Variants in PKIB observed in about 807,000 individuals in gnomAD.
PKIB encodes cAMP-dependent protein kinase inhibitor beta, also known as PKI-beta.
Under a neutral mutation model 4.5 loss-of-function variants are expected in PKIB, and 2 were observed. The ratio of observed to expected loss-of-function variants is 0.44; its 90% CI spans 0.18 to 1.39. The LOEUF (loss-of-function observed/expected upper bound fraction) is 1.39, where lower values mean the gene tolerates loss of function less well. Among genes scored for constraint, PKIB ranks in the 40% most tolerant of loss-of-function variants. PKIB has a pLI of 0.27. For missense variants in PKIB, 94 were observed against 92.6 expected, an observed-to-expected ratio of 1.02 and a Z score of -0.06; for synonymous variants, 38 against 36.0, an observed-to-expected ratio of 1.06 and a Z score of -0.20.
At chr6:122,623,703 C>G (rs1775325433) in intron 1 of PKIB, among the ~76,000 whole-genome samples, 1 of 152,118 alleles carries the variant, frequency 6.6e-6, no homozygotes, top group South Asian at 2.1e-4. Context: ...TGCACCCAGA[C>G]ACTTTACACG....
At chr6:122,492,774 A>AG (rs1346872064) in intron 2 of PKIB, among the ~76,000 whole-genome samples, 2 of 62,338 alleles carry the variant, frequency 3.2e-5, no homozygotes, top group East Asian at 1.0e-3. Flanking sequence ...TAAGAGAAAG[A>AG]GTTTTTTTTT....
At chr6:122,572,004 A>C (rs550842999) in intron 2 of PKIB, among the ~76,000 whole-genome samples, 1 of 152,264 alleles carries the variant, frequency 6.6e-6, no homozygotes, top group Non-Finnish European at 1.5e-5. Context: ...CCCATCTAAC[A>C]CAAAAGGACT....
chr6:122,719,230 G>A (rs1779624106), intron 4 of PKIB, among the ~76,000 whole-genome samples: 1 of 152,046 alleles, frequency 6.6e-6, no homozygotes, highest in African/African-American at 2.4e-5. Flanking sequence ...AAGCAAAAGA[G>A]AGCAAATACA....
intron 1 of PKIB, chr6:122,472,133 C>A: frequency 5.4e-6 from 1 of 184,754 alleles, no homozygotes; most frequent in South Asian, 1.2e-4. Context: ...TTTTGCCCTC[C>A]TTCATCTGAG....
chr6:122,482,455 ATACAT>A (rs1206947500), intron 2 of PKIB: 1 of 152,088 alleles, frequency 6.6e-6, no homozygotes, highest in Non-Finnish European at 1.5e-5. Flanking sequence ...ATGCTTCTCC[ATACAT>A]TACATGTAGC....
intron 3 of PKIB, among the ~76,000 whole-genome samples, chr6:122,688,248 A>G (rs1411635440): frequency 6.6e-6 from 1 of 152,208 alleles, no homozygotes; most frequent in Non-Finnish European, 1.5e-5. Context: ...AATATAATGT[A>G]TCACACTGAT....
In PKIB at chr6:122,498,989, C is replaced by T. The variant is rs148058126; in HGVS notation, c.-248+21050C>T. Among the ~76,000 whole-genome samples the T allele has an allele frequency of 3.0e-3, 459 of 152,230 alleles. 2 individuals are homozygous for T. The highest frequency in any genetic ancestry group is 0.01 in the African/African-American group (436 of 41,556). ...GGAAATGAATAAATGCCTGGAAACA[C>T]ACAATCTCCCAAGACTGAATGAGGA... On this transcript the variant is annotated intron_variant, in intron 2 of 6. Coordinates refer to the PKIB transcript ENST00000392491.
At chr6:122,542,848 A>G (rs1182187007) in intron 2 of PKIB, among the ~76,000 whole-genome samples, 2 of 152,034 alleles carry the variant, frequency 1.3e-5, no homozygotes, top group South Asian at 2.1e-4. Flanking sequence ...GGCCTCCTTG[A>G]GCTGTGGTGG....
intron 2 of PKIB, among the ~76,000 whole-genome samples, chr6:122,636,383 A>G (rs956157997): frequency 2.6e-5 from 4 of 152,114 alleles, no homozygotes; most frequent in African/African-American, 9.6e-5. Flanking sequence ...ATAAATGTGT[A>G]AAAATCAGTT....
chr6:122,717,809 A>G lies in PKIB; in HGVS notation c.15A>G (p.Ser5=). 6.2e-7 allele frequency: 1 copy of G among 1,614,106 alleles called. No homozygotes were observed. The highest frequency in any genetic ancestry group is 8.5e-7 in the Non-Finnish European group (1 of 1,179,988). MRTD[S]SKMTDVESGV... is the part of the protein sequence containing the mutation. ...TAGATGTTGCTATGAGGACAGATTC[A>G]TCAAAAATGACTGACGTGGAGTCTG... is the stretch of plus-strand genomic sequence containing the variant. The change falls in exon 4 of 5, where the codon TCA becomes TCG. Residue 5 remains serine (S), a synonymous_variant. Coordinates refer to ENST00000368452, the MANE Select transcript of PKIB (RefSeq NM_181795.3).
intron 2 of PKIB, among the ~76,000 whole-genome samples, chr6:122,565,830 A>T (rs528519666): frequency 1.3e-5 from 2 of 152,330 alleles, no homozygotes; most frequent in East Asian, 3.9e-4. Context: ...ATTGGTTCAC[A>T]AATCTGAAAA....
In PKIB at chr6:122,488,373, C is replaced by T. The variant is rs143604125; in HGVS notation, c.-248+10434C>T. Reference sequence around the variant, plus strand: ...ATTTGGCAAACGGGGAAACCCCCCACCTAGAAGCTGAATACTGTCTTTTAC... The same window carrying T: ...ATTTGGCAAACGGGGAAACCCCCCATCTAGAAGCTGAATACTGTCTTTTAC... On this transcript the variant is annotated intron_variant, in intron 2 of 6. Transcript: ENST00000392491. Among the ~76,000 whole-genome samples, 5 of 152,240 alleles carry T rather than the reference C, an allele frequency of 3.3e-5. No homozygotes were observed. The East Asian group carries it at 9.7e-4, about 29-fold the overall frequency.
intron 3 of PKIB, among the ~76,000 whole-genome samples, chr6:122,600,474 G>C (rs557658520): frequency 6.6e-6 from 1 of 152,268 alleles, no homozygotes; most frequent in South Asian, 2.1e-4. Context: ...GGAACAACAA[G>C]AAAAGGGCAC....
At chr6:122,471,981 G>T in exon 1 of PKIB, 6 of 947,154 alleles carry the variant, frequency 6.3e-6, no homozygotes, top group Non-Finnish European at 6.0e-6. Flanking sequence ...CTCAAGGACT[G>T]CTGGCTGGAA....
chr6:122,719,639 A>T (rs1380154348), intron 4 of PKIB, among the ~76,000 whole-genome samples: 1 of 152,068 alleles, frequency 6.6e-6, no homozygotes. Context: ...TAGCAACATG[A>T]TGACTATAGT....
chr6:122,664,835 A>G lies in PKIB; in HGVS notation c.-75-10243A>G, dbSNP rs74297116. 1.9e-4 allele frequency among the ~76,000 whole-genome samples: 29 copies of G among 152,360 alleles called. No homozygotes were observed. The East Asian group carries it at 4.6e-3, about 24-fold the overall frequency. ...AATAATTCATCTTCTAAAGGCAAAT[A>G]TATAATTGTAATGTTTAGAATTTAG... On this transcript the variant is annotated intron_variant, in intron 2 of 4. Transcript: ENST00000368452.
intron 2 of PKIB, among the ~76,000 whole-genome samples, chr6:122,522,157 AAC>A (rs767258969): frequency 3.9e-5 from 6 of 152,256 alleles, no homozygotes; most frequent in Non-Finnish European, 8.8e-5. Context: ...GCAAAAAAAA[AAC>A]ATAAAGCGAG....
At chr6:122,528,995 A>C (rs1777175979) in intron 2 of PKIB, among the ~76,000 whole-genome samples, 1 of 152,192 alleles carries the variant, frequency 6.6e-6, no homozygotes, top group Non-Finnish European at 1.5e-5. Context: ...CTAGGGCTTC[A>C]TGTGAATTTT....
intron 3 of PKIB, among the ~76,000 whole-genome samples, chr6:122,592,177 G>C (rs1214440311): frequency 6.6e-6 from 1 of 151,824 alleles, no homozygotes; most frequent in Non-Finnish European, 1.5e-5. Flanking sequence ...TTTCATATAT[G>C]TAATCTTTTA....
Sources: gnomAD v4.1 joint callset for allele counts (sites outside exome capture counted in the v4.1 genomes callset) on GRCh38, gnomAD v4.1.1 for gene constraint, MANE v1.5 for transcripts, NCBI Gene and HGNC (gene_info 2026-07-23, HGNC 2026-07-21) for gene names.